The following ATAD1 variants were observed in gnomAD, a reference collection of about 807,000 sequenced individuals.
ATAD1 encodes the protein outer mitochondrial transmembrane helix translocase.
Under a neutral mutation model 42.7 loss-of-function variants are expected in ATAD1, and 18 were observed. The ratio of observed to expected loss-of-function variants is 0.42; its 90% CI spans 0.29 to 0.63. The LOEUF (loss-of-function observed/expected upper bound fraction) is 0.63, where lower values mean the gene tolerates loss of function less well. Among genes scored for constraint, ATAD1 ranks in the 20% least tolerant of loss-of-function variants. ATAD1 has a pLI of 0.19. For synonymous variants in ATAD1, 132 were observed against 143.1 expected (o/e 0.92, Z 0.55); for missense variants, 294 against 440.4 (o/e 0.67, Z 2.98).
chr10:87,754,508 G>T lies in ATAD1; in HGVS notation c.*179C>A. 3.1e-6 allele frequency: 2 copies of T among 644,532 alleles called. No homozygotes were observed. The highest frequency in any genetic ancestry group is 4.6e-6 in the Non-Finnish European group (2 of 438,938). The allele number at this position is 644,532 out of a possible 1,614,324, so 39.9% of individuals were successfully genotyped here. A position where few individuals can be genotyped will look rare whatever the true frequency, so the allele number is the denominator to read the frequency against. On this transcript the variant is annotated 3_prime_UTR_variant, in exon 10 of 10. Coordinates refer to ENST00000680024, the MANE Select transcript of ATAD1 (RefSeq NM_001321967.2). The stretch of plus-strand genomic sequence containing the variant: ...TCAACTGTTCCTCCTCATGATTTTT[G>T]ACCAACAGTAATACCACCTATGTAA...
chr10:87,810,873 T>C (rs573384852), intron 2 of ATAD1, among the ~76,000 whole-genome samples: 23 of 152,350 alleles, frequency 1.5e-4, no homozygotes, highest in African/African-American at 1.4e-4. Flanking sequence ...CTACTTTAGA[T>C]TGGCCCTATG....
At position 87,751,946 on chromosome 10, in the gene ATAD1, A is replaced by T. The variant is rs1854035954; in HGVS notation, c.*2741T>A. On this transcript the variant is annotated 3_prime_UTR_variant, in exon 10 of 10. Coordinates refer to ENST00000680024, the MANE Select transcript of ATAD1 (RefSeq NM_001321967.2). ...GTAAAAAATTCCTACCAACGAGATG[A>T]TGTTGCCACCATTTTTACACAAGCA... 6.6e-6 allele frequency: 1 copy of T among 152,204 alleles called. No individual in the cohort carries two copies. The highest frequency in any genetic ancestry group is 2.1e-4 in the South Asian group (1 of 4,834). The allele number at this position is 152,204 out of a possible 1,614,324, so 9.4% of individuals were successfully genotyped here.
At chr10:87,832,558 T>C (rs1237360895) in intron 1 of ATAD1, among the ~76,000 whole-genome samples, 1 of 152,142 alleles carries the variant, frequency 6.6e-6, no homozygotes, top group Non-Finnish European at 1.5e-5. Context: ...AGTTTGATTC[T>C]TCAACCTTAT....
At chr10:87,772,579 T>C (rs566893093) in intron 6 of ATAD1, among the ~76,000 whole-genome samples, 1 of 151,928 alleles carries the variant, frequency 6.6e-6, no homozygotes, top group Non-Finnish European at 1.5e-5. Flanking sequence ...AGTCAATATT[T>C]GGGGGGGAAA....
In ATAD1 at chr10:87,753,793, C is replaced by A. The variant is rs1279003609; in HGVS notation, c.*894G>T. ...AAATAATATTTAAGAAACATAGTTA[C>A]AACAGACATGTTACATTAAATGAAA... On this transcript the variant is annotated 3_prime_UTR_variant, in exon 10 of 10. Transcript: ENST00000680024. 2 of 152,412 alleles carry A rather than the reference C, an allele frequency of 1.3e-5. No homozygotes were observed. Among genetic ancestry groups the A allele is most frequent in the African/African-American group, 2.4e-5 (1 of 41,372 alleles). 9.4% of individuals were successfully genotyped at this position (152,412 alleles called of 1,614,324 possible).
intron 1 of ATAD1, among the ~76,000 whole-genome samples, chr10:87,831,167 A>G (rs1455177924): frequency 6.6e-6 from 1 of 152,226 alleles, no homozygotes; most frequent in Non-Finnish European, 1.5e-5. Context: ...TAAAGGAACT[A>G]GGACAGACAC....
chr10:87,800,879 G>A (rs963535607), intron 2 of ATAD1, among the ~76,000 whole-genome samples: 1 of 152,112 alleles, frequency 6.6e-6, no homozygotes, highest in Non-Finnish European at 1.5e-5. Context: ...AGAAGAGGCG[G>A]GCATGTGAAA....
chr10:87,790,469 T>G lies in ATAD1; in HGVS notation c.262-39A>C, dbSNP rs565796772. The G allele has an allele frequency of 2.8e-5, 43 of 1,558,808 alleles. No homozygotes were observed. The African/African-American group carries it at 5.6e-4, about 20-fold the overall frequency. On this transcript the variant is annotated intron_variant, in intron 3 of 9. Transcript: ENST00000680024. Reference sequence around the variant, plus strand: ...AGGTCAACATGAATTTTACTACAAATGTACACTCACTAAAGTAAAAAGAAC... The same window carrying G: ...AGGTCAACATGAATTTTACTACAAAGGTACACTCACTAAAGTAAAAAGAAC...
chr10:87,768,500 C>T (rs1163580378), intron 7 of ATAD1, among the ~76,000 whole-genome samples: 1 of 152,104 alleles, frequency 6.6e-6, no homozygotes, highest in African/African-American at 2.4e-5. Context: ...TGATCACCAA[C>T]AAATACTCTG....
chr10:87,805,720 T>C (rs1723954629), intron 2 of ATAD1, among the ~76,000 whole-genome samples: 3 of 151,840 alleles, frequency 2.0e-5, no homozygotes, highest in Admixed American at 1.3e-4. Context: ...ATCTATTAAA[T>C]ATCCTTTTAG....
At chr10:87,782,762 T>G (rs990303695) in intron 5 of ATAD1, among the ~76,000 whole-genome samples, 1 of 152,122 alleles carries the variant, frequency 6.6e-6, no homozygotes, top group African/African-American at 2.4e-5. Context: ...TTTAGGAGGC[T>G]GAGGCAGGAG....
At chr10:87,798,186 C>T (rs956212705) in intron 2 of ATAD1, among the ~76,000 whole-genome samples, 2 of 152,178 alleles carry the variant, frequency 1.3e-5, no homozygotes, top group African/African-American at 4.8e-5. Flanking sequence ...GCAGAAACAA[C>T]TCAGTGGTGA....
At chr10:87,824,361 G>C (rs1250865674) in intron 1 of ATAD1, among the ~76,000 whole-genome samples, 2 of 152,142 alleles carry the variant, frequency 1.3e-5, no homozygotes, top group Non-Finnish European at 2.9e-5. Context: ...GGGAGTCTTG[G>C]TATCTATAGG....
At chr10:87,759,145 A>C (rs536114757) in intron 8 of ATAD1, among the ~76,000 whole-genome samples, 1 of 152,268 alleles carries the variant, frequency 6.6e-6, no homozygotes, top group African/African-American at 2.4e-5. Flanking sequence ...AACTCTTCTC[A>C]TGTGTCCTTA....
chr10:87,822,965 C>A (rs1215256487), upstream of ATAD1, among the ~76,000 whole-genome samples: 4 of 146,598 alleles, frequency 2.7e-5, no homozygotes, highest in Admixed American at 2.0e-4. Context: ...AAAAGCTAAA[C>A]TAAAAAATAA....
rs111791011 is a variant in ATAD1, at chr10:87,757,289, A to G, written c.832-367T>C. Among the ~76,000 whole-genome samples the G allele has an allele frequency of 2.1e-5, 3 of 146,338 alleles. No individual in the cohort carries two copies. The East Asian group carries it at 6.3e-4, about 31-fold the overall frequency. On this transcript the variant is annotated intron_variant, in intron 8 of 9. Coordinates refer to ENST00000680024, the MANE Select transcript of ATAD1 (RefSeq NM_001321967.2). ...GAGTCCATTACAAAAAAAAAAAAAC[A>G]AAACACTCAACATTCCTTTTAATTG...
intron 2 of ATAD1, 146 bp downstream of exon 2, chr10:87,814,292 G>T: frequency 1.7e-6 from 1 of 596,356 alleles, no homozygotes; most frequent in Non-Finnish European, 2.6e-6. Context: ...TACTTTGTAA[G>T]AGTAATAAAA....
intron 2 of ATAD1, among the ~76,000 whole-genome samples, chr10:87,802,321 G>T (rs971285977): frequency 6.6e-6 from 1 of 152,114 alleles, no homozygotes. Context: ...CAGGGTTTCT[G>T]ACCTGTTGTT....
At position 87,775,440 on chromosome 10, in the gene ATAD1, A is replaced by G. The variant is rs1174996728; in HGVS notation, c.690+881T>C. Among the ~76,000 whole-genome samples the G allele has an allele frequency of 5.6e-4, 84 of 150,022 alleles. 1 individual carries two copies. The highest frequency in any genetic ancestry group is 1.8e-3 in the African/African-American group (75 of 40,772). ...CATCTCAAAAAAAAAAAAAAAAAAA[A>G]AGAGAAAATACTAAAGTTAAAACAA... On this transcript the variant is annotated intron_variant, in intron 6 of 9. Transcript: ENST00000680024.
Sources: allele counts gnomAD v4.1 joint callset (sites outside exome capture counted in the v4.1 genomes callset), GRCh38; gene constraint gnomAD v4.1.1; transcripts MANE v1.5; gene names NCBI Gene and HGNC (gene_info 2026-07-23, HGNC 2026-07-21).